Variants in RANBP2 observed in about 807,000 individuals in gnomAD.
RANBP2 encodes E3 SUMO-protein ligase RanBP2.
RANBP2 carries 57 observed loss-of-function variants against 303.6 expected under a neutral mutation model. That is an observed-to-expected ratio of 0.19 (90% CI 0.15 to 0.23). The LOEUF (loss-of-function observed/expected upper bound fraction) is 0.23, where lower values mean the gene tolerates loss of function less well. RANBP2 is among the 10% of genes least tolerant of loss of function. RANBP2 has a pLI of 1.00. For synonymous variants in RANBP2, 1,167 were observed against 1,301.5 expected, an observed-to-expected ratio of 0.90 and a Z score of 2.23; for missense variants, 3,138 against 3,780.8, an observed-to-expected ratio of 0.83 and a Z score of 4.46.
the RANBP2 span, among the ~76,000 whole-genome samples, chr2:109,223,288 A>G: frequency 6.6e-6 from 1 of 152,188 alleles, no homozygotes; most frequent in African/African-American, 2.4e-5. Flanking sequence ...AGGCTGCGTG[A>G]GCACCAGCCA....
the RANBP2 span, among the ~76,000 whole-genome samples, chr2:109,765,601 G>C: frequency 6.7e-6 from 1 of 150,098 alleles, no homozygotes; most frequent in Non-Finnish European, 1.5e-5. Context: ...CATTTGAAAT[G>C]GGTCCTGGAG....
At chr2:109,314,029 C>T in the RANBP2 span, among the ~76,000 whole-genome samples, 1 of 152,080 alleles carries the variant, frequency 6.6e-6, no homozygotes. Context: ...GGACACTGGA[C>T]ACTGAGAAAA....
the RANBP2 span, chr2:109,501,753 G>A: frequency 1.8e-5 from 12 of 671,836 alleles, no homozygotes; most frequent in Non-Finnish European, 3.0e-5. Context: ...GAGCCATGGC[G>A]CCCCAAGGGT....
chr2:108,807,836 T>C, the RANBP2 span, among the ~76,000 whole-genome samples: 1 of 152,190 alleles, frequency 6.6e-6, no homozygotes, highest in African/African-American at 2.4e-5. Context: ...CAGGGTGGTC[T>C]CAAACCAAGT....
At chr2:109,409,833 G>T in the RANBP2 span, among the ~76,000 whole-genome samples, 1 of 152,200 alleles carries the variant, frequency 6.6e-6, no homozygotes, top group Non-Finnish European at 1.5e-5. Flanking sequence ...ATGAGGGTCT[G>T]ATTTACACCC....
chr2:108,816,237 G>T, the RANBP2 span: 2 of 629,148 alleles, frequency 3.2e-6, no homozygotes, highest in Non-Finnish European at 2.6e-6. Context: ...GATCACCTGA[G>T]GTCAGGAGTT....
chr2:108,850,704 A>G, the RANBP2 span, among the ~76,000 whole-genome samples: 6 of 151,824 alleles, frequency 4.0e-5, no homozygotes, highest in East Asian at 1.9e-4. Flanking sequence ...GCCCGCCTCA[A>G]CCTCCCAAAG....
At chr2:109,125,664 G>T in the RANBP2 span, among the ~76,000 whole-genome samples, 3 of 152,232 alleles carry the variant, frequency 2.0e-5, no homozygotes, top group African/African-American at 4.8e-5. Context: ...GATGACTCAT[G>T]TTGGCTCATA....
At chr2:108,805,063 A>G in the RANBP2 span, 11 of 989,320 alleles carry the variant, frequency 1.1e-5, no homozygotes, top group East Asian at 2.9e-4. Context: ...AGTATATTTT[A>G]TATATAACAA....
At chr2:109,298,258 A>C in the RANBP2 span, among the ~76,000 whole-genome samples, 1 of 152,142 alleles carries the variant, frequency 6.6e-6, no homozygotes, top group African/African-American at 2.4e-5. Flanking sequence ...GATCTCAGCT[A>C]TGTCCCCGAG....
the RANBP2 span, among the ~76,000 whole-genome samples, chr2:109,257,385 G>A: frequency 6.6e-6 from 1 of 151,384 alleles, no homozygotes; most frequent in Admixed American, 6.6e-5. Flanking sequence ...GGAGGGAGAG[G>A]AAGGGAAGGA....
At chr2:109,151,209 G>C in the RANBP2 span, among the ~76,000 whole-genome samples, 3 of 152,176 alleles carry the variant, frequency 2.0e-5, no homozygotes, top group Non-Finnish European at 4.4e-5. Context: ...AGTGGCCCAG[G>C]ACACTGAGGT....
chr2:109,587,194 G>A, the RANBP2 span, among the ~76,000 whole-genome samples: 1 of 152,014 alleles, frequency 6.6e-6, no homozygotes, highest in East Asian at 1.9e-4. Flanking sequence ...AGCTCGCAAC[G>A]ACAAAAAGCA....
At chr2:109,150,871 A>T in the RANBP2 span, among the ~76,000 whole-genome samples, 1 of 152,250 alleles carries the variant, frequency 6.6e-6, no homozygotes, top group African/African-American at 2.4e-5. Context: ...GTGAAAAAAA[A>T]TATGGGCATA....
At chr2:109,098,405 C>T in the RANBP2 span, among the ~76,000 whole-genome samples, 1 of 152,240 alleles carries the variant, frequency 6.6e-6, no homozygotes, top group Non-Finnish European at 1.5e-5. Flanking sequence ...AAGCCAGTCT[C>T]AATCTCCAGT....
chr2:109,098,690 C>G, the RANBP2 span, among the ~76,000 whole-genome samples: 1 of 152,160 alleles, frequency 6.6e-6, no homozygotes. Flanking sequence ...CCAATTGACA[C>G]CTTGAAGTTA....
chr2:109,270,016 A>G, the RANBP2 span, among the ~76,000 whole-genome samples: 2 of 152,220 alleles, frequency 1.3e-5, no homozygotes, highest in Non-Finnish European at 2.9e-5. Flanking sequence ...GAAATACTTA[A>G]TAGATTGCGA....
the RANBP2 span, among the ~76,000 whole-genome samples, chr2:109,257,797 A>C: frequency 5.9e-5 from 9 of 152,208 alleles, no homozygotes; most frequent in Admixed American, 1.3e-4. Context: ...TTTTACGGAC[A>C]GGAGACAGCC....
Position 108,783,984 on chromosome 2 carries a change from G to A in RANBP2, c.*83G>A, listed in dbSNP as rs1280089311. The stretch of plus-strand genomic sequence containing the variant: ...TATTACAATTTGATAGTTATGTTCA[G>A]CTTTTGAAAATGGACGTTTCCGATT... On this transcript the variant is annotated 3_prime_UTR_variant, in exon 29 of 29. Transcript: ENST00000283195. 6 of 1,349,048 alleles carry A rather than the reference G, an allele frequency of 4.4e-6. No individual in the cohort carries two copies. Among genetic ancestry groups the A allele is most frequent in the Non-Finnish European group, 4.1e-6 (4 of 974,772 alleles). 83.6% of individuals were successfully genotyped at this position (1,349,048 alleles called of 1,614,324 possible).
Sources: allele counts gnomAD v4.1 joint callset (sites outside exome capture counted in the v4.1 genomes callset), GRCh38; gene constraint gnomAD v4.1.1; transcripts MANE v1.5; gene names NCBI Gene and HGNC (gene_info 2026-07-23, HGNC 2026-07-21).